The following SLC2A5 variants were observed in gnomAD, a reference collection of about 807,000 sequenced individuals.
SLC2A5 encodes solute carrier family 2 member 5.
In SLC2A5, 56 loss-of-function variants were observed where a neutral mutation model predicts 50.3. That is an observed-to-expected ratio of 1.11 (90% CI 0.90 to 1.39). SLC2A5 has a LOEUF of 1.39. Among genes scored for constraint, SLC2A5 ranks in the 40% most tolerant of loss-of-function variants. SLC2A5 has a pLI of 0.00. For missense variants in SLC2A5, 566 were observed against 650.1 expected, an observed-to-expected ratio of 0.87 and a Z score of 1.41; for synonymous variants, 269 against 281.9, an observed-to-expected ratio of 0.95 and a Z score of 0.46.
At chr1:9,091,423 A>G (rs79438229), upstream of SLC2A5, among the ~76,000 whole-genome samples, 5,243 of 152,288 alleles carry the variant, frequency 0.034, 199 homozygotes, top group African/African-American at 0.083. Flanking sequence ...TCTTTGCTTA[A>G]AATTTTTGGC....
In SLC2A5 at chr1:9,035,872, G is replaced by A. The variant is rs1287991740; in HGVS notation, c.*1714C>T. 2 of 152,220 alleles carry A rather than the reference G, an allele frequency of 1.3e-5. No homozygotes were observed. The highest frequency in any genetic ancestry group is 2.9e-5 in the Non-Finnish European group (2 of 68,072). 9.4% of individuals were successfully genotyped at this position (152,220 alleles called of 1,614,324 possible). A position where few individuals can be genotyped will look rare whatever the true frequency, so the allele number is the denominator to read the frequency against. On this transcript the variant is annotated 3_prime_UTR_variant, in exon 12 of 12. Coordinates refer to ENST00000377424, the MANE Select transcript of SLC2A5 (RefSeq NM_003039.3). Reference sequence around the variant, plus strand: ...TACCTGGTGGCAGGCAAGAGAGAATGAGAACCAAGCAAAAGGTTTTACCCC... The same window carrying A: ...TACCTGGTGGCAGGCAAGAGAGAATAAGAACCAAGCAAAAGGTTTTACCCC...
At chr1:9,060,145 T>TACACACTACATACCAC (rs1553170305) in intron 1 of SLC2A5, among the ~76,000 whole-genome samples, 1 of 134,996 alleles carries the variant, frequency 7.4e-6, no homozygotes, top group Non-Finnish European at 1.6e-5. Context: ...ACACACTACA[T>TACACACTACATACCAC]ACACACTACA....
intron 1 of SLC2A5, among the ~76,000 whole-genome samples, chr1:9,069,068 C>T (rs188317921): frequency 9.1e-4 from 139 of 152,294 alleles, no homozygotes; most frequent in African/African-American, 2.2e-3. Flanking sequence ...AATCAAGCAA[C>T]GCCTTTTCTG....
At chr1:9,063,293 C>T (rs964571447) in intron 1 of SLC2A5, among the ~76,000 whole-genome samples, 1 of 151,144 alleles carries the variant, frequency 6.6e-6, no homozygotes, top group African/African-American at 2.4e-5. Flanking sequence ...GGTCTCAATC[C>T]TCCTGCCTCA....
At chr1:9,045,064 G>T (rs149807634) in intron 4 of SLC2A5, among the ~76,000 whole-genome samples, 1 of 152,302 alleles carries the variant, frequency 6.6e-6, no homozygotes, top group African/African-American at 2.4e-5. Flanking sequence ...ATCCAGAGAT[G>T]ATATCTGCTC....
chr1:9,089,575 C>T (rs1352458042), upstream of SLC2A5, among the ~76,000 whole-genome samples: 1 of 152,190 alleles, frequency 6.6e-6, no homozygotes, highest in East Asian at 1.9e-4. Context: ...AGATGCTTGC[C>T]TCTGCTGTCC....
chr1:9,036,864 TA>T lies in SLC2A5; in HGVS notation c.*721del, dbSNP rs1461372727. The T allele has an allele frequency of 1.9e-5, 2 of 104,948 alleles. No individual in the cohort carries two copies. The highest frequency in any genetic ancestry group is 3.8e-5 in the Non-Finnish European group (2 of 52,946). The allele number at this position is 104,948 out of a possible 1,614,324, so 6.5% of individuals were successfully genotyped here. On this transcript the variant is annotated 3_prime_UTR_variant, in exon 12 of 12. Coordinates refer to ENST00000377424, the MANE Select transcript of SLC2A5 (RefSeq NM_003039.3). ...TTAAAAAAAAAAAAAAAAGCAAAAA[TA>T]AAAACAAAAAAAACACTGCCTGAAT...
chr1:9,092,293 A>T (rs946070016), upstream of SLC2A5, among the ~76,000 whole-genome samples: 1 of 152,046 alleles, frequency 6.6e-6, no homozygotes. Context: ...CACAATTCAA[A>T]CCCTACATAC....
intron 1 of SLC2A5, chr1:9,088,234 C>T (rs913242847): frequency 6.6e-6 from 1 of 152,162 alleles, no homozygotes; most frequent in Non-Finnish European, 1.5e-5. Flanking sequence ...CCCCTTTTGA[C>T]CCTGCAGATA....
At chr1:9,045,987 C>T (rs1029293229) in intron 4 of SLC2A5, among the ~76,000 whole-genome samples, 35 of 151,862 alleles carry the variant, frequency 2.3e-4, no homozygotes, top group African/African-American at 8.2e-4. Context: ...ATGACTTAGT[C>T]TCTGTTTGGG....
At chr1:9,072,750 G>A (rs1642237004), upstream of SLC2A5, among the ~76,000 whole-genome samples, 1 of 149,042 alleles carries the variant, frequency 6.7e-6, no homozygotes, top group Non-Finnish European at 1.5e-5. Flanking sequence ...AGAAGTTCGA[G>A]ACCAGCCTGG....
intron 2 of SLC2A5, among the ~76,000 whole-genome samples, chr1:9,084,233 C>T (rs78933788): frequency 0.018 from 2,772 of 152,272 alleles, 102 homozygotes; most frequent in African/African-American, 0.064. Flanking sequence ...AAACAGGTAA[C>T]ACCACAATTT....
intron 2 of SLC2A5, among the ~76,000 whole-genome samples, chr1:9,083,748 C>T (rs1438765359): frequency 6.6e-6 from 1 of 151,960 alleles, no homozygotes; most frequent in African/African-American, 2.4e-5. Context: ...TCACTTGAAC[C>T]CAGGAGGTGG....
chr1:9,086,094 G>T (rs745343911), intron 1 of SLC2A5, among the ~76,000 whole-genome samples: 19 of 152,174 alleles, frequency 1.2e-4, no homozygotes, highest in Non-Finnish European at 2.1e-4. Context: ...AGTGGGACAG[G>T]GAGTTCAATC....
intron 1 of SLC2A5, among the ~76,000 whole-genome samples, chr1:9,059,479 T>C (rs1303330118): frequency 6.7e-6 from 1 of 150,294 alleles, no homozygotes; most frequent in Non-Finnish European, 1.5e-5. Flanking sequence ...AGGTTCATGC[T>C]TGGCCCTCCA....
chr1:9,038,119 C>T (rs1641184980), intron 10 of SLC2A5, 95 bp from the exon 11 acceptor site: 1 of 1,433,930 alleles, frequency 7.0e-7, no homozygotes, highest in Non-Finnish European at 9.5e-7. Flanking sequence ...GGCCCCAGGA[C>T]AGAGGCGTCT....
At chr1:9,050,661 G>A (rs780747864) in intron 3 of SLC2A5, among the ~76,000 whole-genome samples, 2 of 152,032 alleles carry the variant, frequency 1.3e-5, no homozygotes, top group Non-Finnish European at 1.5e-5. Flanking sequence ...TGGGTTTGGC[G>A]ATGACTTTTC....
chr1:9,057,171 C>A (rs1052695142), intron 3 of SLC2A5, among the ~76,000 whole-genome samples: 2 of 151,608 alleles, frequency 1.3e-5, no homozygotes, highest in African/African-American at 4.8e-5. Context: ...ATCTGTGATC[C>A]CAGGATCAGG....
In SLC2A5 at chr1:9,047,714, T is replaced by C; in HGVS notation, c.314A>G (p.Asn105Ser). 1 of 1,614,012 alleles carries C rather than the reference T, an allele frequency of 6.2e-7. No individual in the cohort carries two copies. The highest frequency in any genetic ancestry group is 8.5e-7 in the Non-Finnish European group (1 of 1,179,896). Reference protein sequence around the residue: ...KFGRKGALLFNNIFSIVPAIL... With the variant: ...KFGRKGALLFSNIFSIVPAIL... ...CGCAGGCACGATAGAAAATATGTTG[T>C]TGAACAGCAAGGCCCCTTTTCTGCA... The change falls in exon 4 of 12, where the codon AAC becomes AGC. Residue 105 changes from asparagine (N) to serine (S), a missense_variant. Coordinates refer to ENST00000377424, the MANE Select transcript of SLC2A5 (RefSeq NM_003039.3).
Sources: allele counts gnomAD v4.1 joint callset (sites outside exome capture counted in the v4.1 genomes callset), GRCh38; gene constraint gnomAD v4.1.1; transcripts MANE v1.5; gene names NCBI Gene and HGNC (gene_info 2026-07-23, HGNC 2026-07-21).